Variants in ZNF385D observed in about 807,000 individuals in gnomAD.
The protein encoded by ZNF385D is zinc finger protein 385D.
In ZNF385D, 15 loss-of-function variants were observed where a neutral mutation model predicts 35.8. That is an observed-to-expected ratio of 0.42 (90% CI 0.28 to 0.64). The LOEUF (loss-of-function observed/expected upper bound fraction) is 0.64. Among genes scored for constraint, ZNF385D ranks in the 30% least tolerant of loss-of-function variants. The pLI is 0.23. For synonymous variants in ZNF385D, 212 were observed against 186.8 expected (o/e 1.13, Z -1.10); for missense variants, 474 against 494.6 (o/e 0.96, Z 0.39).
intron 3 of ZNF385D, among the ~76,000 whole-genome samples, chr3:21,935,604 T>C (rs1409191435): frequency 6.6e-6 from 1 of 152,190 alleles, no homozygotes; most frequent in Non-Finnish European, 1.5e-5. Context: ...ATTTCCTATC[T>C]GTCCACTTTT....
At chr3:22,164,065 G>C (rs1393391175) in intron 3 of ZNF385D, among the ~76,000 whole-genome samples, 1 of 152,036 alleles carries the variant, frequency 6.6e-6, no homozygotes, top group Non-Finnish European at 1.5e-5. Context: ...TTTAATAGTG[G>C]GGATATGGGG....
At chr3:21,725,737 A>C (rs2125464467) in intron 1 of ZNF385D, among the ~76,000 whole-genome samples, 1 of 152,274 alleles carries the variant, frequency 6.6e-6, no homozygotes, top group Middle Eastern at 3.4e-3. Context: ...TTGACAGCTG[A>C]ATTCTACCAG....
At chr3:21,873,947 A>T (rs1559712015) in intron 3 of ZNF385D, among the ~76,000 whole-genome samples, 1 of 151,202 alleles carries the variant, frequency 6.6e-6, no homozygotes, top group East Asian at 1.9e-4. Flanking sequence ...TAAAATCAAC[A>T]TGAGTAAGCA....
At chr3:21,660,521 C>T (rs1454598405) in intron 2 of ZNF385D, among the ~76,000 whole-genome samples, 1 of 152,116 alleles carries the variant, frequency 6.6e-6, no homozygotes, top group East Asian at 1.9e-4. Flanking sequence ...AAAAGTAGTA[C>T]TTTTTCAGTG....
At chr3:21,662,041 A>G (rs1559498227) in intron 2 of ZNF385D, among the ~76,000 whole-genome samples, 2 of 152,178 alleles carry the variant, frequency 1.3e-5, no homozygotes, top group Non-Finnish European at 2.9e-5. Context: ...CAGGGGAAGA[A>G]TATAGTCTCT....
At chr3:22,234,917 A>G (rs1231008094) in intron 2 of ZNF385D, among the ~76,000 whole-genome samples, 1 of 152,068 alleles carries the variant, frequency 6.6e-6, no homozygotes, top group Non-Finnish European at 1.5e-5. Flanking sequence ...TTAGAGCTTG[A>G]TATTTAGCCA....
intron 1 of ZNF385D, among the ~76,000 whole-genome samples, chr3:21,725,891 C>A (rs1427905055): frequency 6.6e-6 from 1 of 152,088 alleles, no homozygotes; most frequent in Admixed American, 6.6e-5. Context: ...AAATTTCAGG[C>A]CAATATCCCT....
chr3:21,924,045 C>A (rs1001344615), intron 3 of ZNF385D, among the ~76,000 whole-genome samples: 1 of 152,120 alleles, frequency 6.6e-6, no homozygotes, highest in Non-Finnish European at 1.5e-5. Flanking sequence ...AAATTATCCT[C>A]TTATTTGTGG....
intron 3 of ZNF385D, among the ~76,000 whole-genome samples, chr3:21,840,649 TAA>T (rs1695608083): frequency 6.6e-6 from 1 of 152,064 alleles, no homozygotes; most frequent in Admixed American, 6.6e-5. Flanking sequence ...GCTTCGGTAT[TAA>T]AACTCTTAGC....
At chr3:21,820,816 A>G (rs1479629303) in intron 3 of ZNF385D, among the ~76,000 whole-genome samples, 1 of 151,826 alleles carries the variant, frequency 6.6e-6, no homozygotes. Context: ...GTGTGTGTCA[A>G]GAAAATAAGA....
At chr3:21,711,592 G>C (rs1452734067) in intron 1 of ZNF385D, among the ~76,000 whole-genome samples, 2 of 152,104 alleles carry the variant, frequency 1.3e-5, no homozygotes. Flanking sequence ...CTATCTTATA[G>C]AGAAAACAGA....
intron 1 of ZNF385D, among the ~76,000 whole-genome samples, chr3:21,721,687 T>A (rs2068547334): frequency 6.6e-6 from 1 of 152,210 alleles, no homozygotes; most frequent in African/African-American, 2.4e-5. Context: ...CTATACTTTA[T>A]GGAAAAGATG....
At chr3:21,924,046 T>C (rs1193620333) in intron 3 of ZNF385D, among the ~76,000 whole-genome samples, 2 of 152,270 alleles carry the variant, frequency 1.3e-5, no homozygotes, top group Non-Finnish European at 2.9e-5. Flanking sequence ...AATTATCCTC[T>C]TATTTGTGGT....
intron 2 of ZNF385D, among the ~76,000 whole-genome samples, chr3:22,329,324 C>T (rs2125457851): frequency 6.6e-6 from 1 of 151,982 alleles, no homozygotes; most frequent in African/African-American, 2.4e-5. Context: ...ATATATTTTT[C>T]CTCACCAATT....
At chr3:22,230,425 C>T (rs959730428) in intron 2 of ZNF385D, among the ~76,000 whole-genome samples, 4 of 152,236 alleles carry the variant, frequency 2.6e-5, no homozygotes, top group African/African-American at 7.2e-5. Flanking sequence ...AAAAGGCCTA[C>T]GCCTTCCCTG....
chr3:22,222,999 C>A (rs1440145957), intron 2 of ZNF385D, among the ~76,000 whole-genome samples: 1 of 152,078 alleles, frequency 6.6e-6, no homozygotes, highest in African/African-American at 2.4e-5. Flanking sequence ...TCCAACCATC[C>A]TTTTTCCAAA....
At chr3:21,603,604 G>A (rs904212726) in intron 2 of ZNF385D, among the ~76,000 whole-genome samples, 1 of 152,158 alleles carries the variant, frequency 6.6e-6, no homozygotes, top group Non-Finnish European at 1.5e-5. Context: ...ACTGCAAAGT[G>A]CAGAACAATA....
At chr3:21,842,219 G>A (rs1197492668) in intron 3 of ZNF385D, among the ~76,000 whole-genome samples, 1 of 151,830 alleles carries the variant, frequency 6.6e-6, no homozygotes, top group Non-Finnish European at 1.5e-5. Context: ...GCTCTGCTCT[G>A]CTCTGAATCC....
intron 3 of ZNF385D, among the ~76,000 whole-genome samples, chr3:21,854,479 C>A (rs529278359): frequency 6.6e-6 from 1 of 152,036 alleles, no homozygotes; most frequent in South Asian, 2.1e-4. Flanking sequence ...ATAATATAGG[C>A]CTTGCACTTG....
Sources: allele counts gnomAD v4.1 joint callset (sites outside exome capture counted in the v4.1 genomes callset), GRCh38; gene constraint gnomAD v4.1.1; transcripts MANE v1.5; gene names NCBI Gene and HGNC (gene_info 2026-07-23, HGNC 2026-07-21).